PTGER3: variants seen among roughly 807,000 people sequenced by gnomAD.
The protein encoded by PTGER3 is prostaglandin E2 receptor EP3 subtype.
Under a neutral mutation model 34.7 loss-of-function variants are expected in PTGER3, and 22 were observed. That is an observed-to-expected ratio of 0.63 (90% confidence interval 0.45 to 0.91). The LOEUF (loss-of-function observed/expected upper bound fraction) is 0.91. Ranked by LOEUF, PTGER3 falls within the 40% of genes least tolerant of loss-of-function variation. The pLI is 0.00. For synonymous variants in PTGER3, 241 were observed against 230.1 expected (o/e 1.05, Z -0.43); for missense variants, 468 against 519.4 (o/e 0.90, Z 0.96).
intron 4 of PTGER3, among the ~76,000 whole-genome samples, chr1:70,929,526 C>T (rs1648490620): frequency 6.6e-6 from 1 of 152,112 alleles, no homozygotes; most frequent in Non-Finnish European, 1.5e-5. Context: ...CTTTGTAATA[C>T]ACAGCACTCT....
At chr1:71,025,498 C>T (rs1156649055) in intron 1 of PTGER3, among the ~76,000 whole-genome samples, 1 of 151,716 alleles carries the variant, frequency 6.6e-6, no homozygotes, top group East Asian at 1.9e-4. Context: ...ATGAGGATAT[C>T]ATCAAATTTC....
chr1:70,869,745 C>T (rs1228940513), intron 4 of PTGER3, among the ~76,000 whole-genome samples: 2 of 152,118 alleles, frequency 1.3e-5, no homozygotes, highest in African/African-American at 4.8e-5. Context: ...GACTCCATGC[C>T]CCATATGCTG....
At chr1:70,930,826 G>T (rs951491270) in intron 4 of PTGER3, among the ~76,000 whole-genome samples, 2 of 151,996 alleles carry the variant, frequency 1.3e-5, no homozygotes, top group African/African-American at 2.4e-5. Flanking sequence ...ATTTGGGTGG[G>T]GACAGAGCCA....
chr1:71,025,175 T>TCCTTCCTTCCTTCC (rs1658814873), intron 1 of PTGER3, among the ~76,000 whole-genome samples: 1 of 117,926 alleles, frequency 8.5e-6, no homozygotes, highest in Non-Finnish European at 1.8e-5. Flanking sequence ...TTTCCTTCCT[T>TCCTTCCTTCCTTCC]TTTTTCCTTC....
At chr1:70,989,794 C>T (rs1016862942) in intron 2 of PTGER3, among the ~76,000 whole-genome samples, 2 of 152,070 alleles carry the variant, frequency 1.3e-5, no homozygotes, top group African/African-American at 4.8e-5. Flanking sequence ...TAGTATTGGC[C>T]AGTTATCAAT....
At chr1:70,945,596 G>A (rs1425850311) in intron 4 of PTGER3, among the ~76,000 whole-genome samples, 1 of 152,056 alleles carries the variant, frequency 6.6e-6, no homozygotes, top group Non-Finnish European at 1.5e-5. Context: ...AGACTGAACA[G>A]ATCTAGCTAT....
chr1:70,940,530 C>T (rs779343556), intron 4 of PTGER3, among the ~76,000 whole-genome samples: 8 of 152,168 alleles, frequency 5.3e-5, no homozygotes, highest in Non-Finnish European at 1.2e-4. Context: ...ATTTGACTTA[C>T]AGTTCCACAT....
chr1:70,979,012 A>G (rs887423310), intron 2 of PTGER3, among the ~76,000 whole-genome samples: 3 of 152,166 alleles, frequency 2.0e-5, no homozygotes, highest in Non-Finnish European at 4.4e-5. Context: ...ACGCATAAAT[A>G]CCCTAGAACA....
intron 4 of PTGER3, among the ~76,000 whole-genome samples, chr1:70,930,000 G>C (rs1648532215): frequency 6.6e-6 from 1 of 152,068 alleles, no homozygotes; most frequent in Non-Finnish European, 1.5e-5. Context: ...TTGATTTTCA[G>C]ACCTAAATTA....
At chr1:70,906,724 C>G (rs1378719251) in intron 4 of PTGER3, among the ~76,000 whole-genome samples, 1 of 151,936 alleles carries the variant, frequency 6.6e-6, no homozygotes, top group Non-Finnish European at 1.5e-5. Context: ...TTGGTTTTCC[C>G]CATTCTGTTC....
intron 2 of PTGER3, among the ~76,000 whole-genome samples, chr1:70,991,842 A>G (rs929001711): frequency 1.3e-5 from 2 of 152,196 alleles, no homozygotes; most frequent in African/African-American, 4.8e-5. Flanking sequence ...CAGATAATGC[A>G]TTTACTTTCT....
At chr1:70,970,744 G>T, downstream of PTGER3, 1 of 464,020 alleles carries the variant, frequency 2.2e-6, no homozygotes, top group Non-Finnish European at 2.8e-6. Flanking sequence ...AGCAGGTAAC[G>T]GCATATCCGT....
chr1:70,949,069 C>A (rs928883016), downstream of PTGER3, among the ~76,000 whole-genome samples: 1 of 152,058 alleles, frequency 6.6e-6, no homozygotes, highest in Non-Finnish European at 1.5e-5. Flanking sequence ...TCTCTTCAGG[C>A]GTGGGGTAAA....
At chr1:70,977,425 AG>A (rs1392163228) in intron 2 of PTGER3, among the ~76,000 whole-genome samples, 1 of 152,006 alleles carries the variant, frequency 6.6e-6, no homozygotes, top group African/African-American at 2.4e-5. Flanking sequence ...ACAGGGTTAT[AG>A]CTACTTTCCA....
chr1:70,952,262 G>A (rs368395403), downstream of PTGER3, among the ~76,000 whole-genome samples: 162 of 81,746 alleles, frequency 2.0e-3, 1 homozygote, highest in African/African-American at 6.7e-3. Flanking sequence ...ATGAGAAATG[G>A]CCTGAAAGAT....
At chr1:70,929,557 T>C (rs1199960309) in intron 4 of PTGER3, among the ~76,000 whole-genome samples, 2 of 152,146 alleles carry the variant, frequency 1.3e-5, no homozygotes, top group Non-Finnish European at 1.5e-5. Context: ...TAACATTGCT[T>C]TTACCCTAAA....
At chr1:70,963,988 T>C (rs756832118) in intron 2 of PTGER3, among the ~76,000 whole-genome samples, 1 of 152,164 alleles carries the variant, frequency 6.6e-6, no homozygotes, top group Non-Finnish European at 1.5e-5. Flanking sequence ...TCCACATATA[T>C]CTAGGGCAGA....
At chr1:70,990,807 T>G (rs75109839) in intron 2 of PTGER3, among the ~76,000 whole-genome samples, 196 of 152,194 alleles carry the variant, frequency 1.3e-3, no homozygotes, top group African/African-American at 4.6e-3. Context: ...CTAACTGATA[T>G]GTACCACTCC....
downstream of PTGER3, among the ~76,000 whole-genome samples, chr1:70,969,478 C>T (rs1355482495): frequency 6.6e-6 from 1 of 152,108 alleles, no homozygotes; most frequent in Admixed American, 6.5e-5. Flanking sequence ...GAAACGAGTC[C>T]TCTCCACCAT....
Sources: gnomAD v4.1 joint callset for allele counts (sites outside exome capture counted in the v4.1 genomes callset) on GRCh38, gnomAD v4.1.1 for gene constraint, MANE v1.5 for transcripts, NCBI Gene and HGNC (gene_info 2026-07-23, HGNC 2026-07-21) for gene names.